The following PIK3R3 variants were observed in gnomAD, a reference collection of about 807,000 sequenced individuals.
PIK3R3 encodes phosphatidylinositol 3-kinase regulatory subunit gamma.
PIK3R3 carries 64 observed loss-of-function variants against 62.9 expected under a neutral mutation model. The ratio of observed to expected loss-of-function variants is 1.02; its 90% CI spans 0.83 to 1.25. PIK3R3 has a LOEUF of 1.25. PIK3R3 is among the 50% of genes most tolerant of loss of function. The pLI is 0.00. For synonymous variants in PIK3R3, 165 were observed against 189.0 expected (o/e 0.87, Z 1.04); for missense variants, 614 against 561.6 (o/e 1.09, Z -0.94).
At chr1:46,108,869 A>C (rs1653452144) in intron 1 of PIK3R3, among the ~76,000 whole-genome samples, 1 of 152,116 alleles carries the variant, frequency 6.6e-6, no homozygotes. Flanking sequence ...CAAAAAAATT[A>C]TGTTTCTCGG....
rs1394465280 is a variant in PIK3R3, at chr1:46,054,617, T to C, written c.941+1178A>G. 8.5e-5 allele frequency among the ~76,000 whole-genome samples: 13 copies of C among 152,228 alleles called. 1 individual carries two copies. In the East Asian group the frequency reaches 2.5e-3, roughly 29 times the overall value. On this transcript the variant is annotated intron_variant, in intron 7 of 9. Transcript: ENST00000262741. ...TACATGCATCAAGGTCACCCATAGA[T>C]GCATTTCAAAACAGTCTATTCGTTA...
At chr1:46,095,269 G>A (rs796161859) in intron 1 of PIK3R3, among the ~76,000 whole-genome samples, 47 of 152,268 alleles carry the variant, frequency 3.1e-4, no homozygotes, top group African/African-American at 1.0e-3. Flanking sequence ...AGAAAATGTG[G>A]TATATATACA....
At chr1:46,075,055 T>C (rs543549879) in intron 3 of PIK3R3, among the ~76,000 whole-genome samples, 36 of 152,270 alleles carry the variant, frequency 2.4e-4, no homozygotes, top group African/African-American at 8.7e-4. Flanking sequence ...CATCACTTCG[T>C]CCAGCAATAT....
At chr1:46,137,932 A>T (rs1309709679), upstream of PIK3R3, among the ~76,000 whole-genome samples, 4 of 152,142 alleles carry the variant, frequency 2.6e-5, no homozygotes, top group Non-Finnish European at 4.4e-5. Context: ...AAAACCAAAA[A>T]CTTGTACAGT....
At chr1:46,138,853 T>C in the PIK3R3 span, 1 of 152,228 alleles carries the variant, frequency 6.6e-6, no homozygotes, top group Non-Finnish European at 1.5e-5. Context: ...ACACTTACAG[T>C]GATTTTCTTC....
At chr1:46,146,710 C>T in the PIK3R3 span, among the ~76,000 whole-genome samples, 1 of 67,008 alleles carries the variant, frequency 1.5e-5, no homozygotes. Flanking sequence ...CACACACACA[C>T]ACACACACAC....
At chr1:46,107,455 T>C (rs1391802890) in intron 1 of PIK3R3, among the ~76,000 whole-genome samples, 7 of 150,070 alleles carry the variant, frequency 4.7e-5, no homozygotes, top group Non-Finnish European at 1.5e-5. Context: ...TTTTTTAATA[T>C]GGAAAGGAAT....
chr1:46,043,780 C>G lies in PIK3R3; in HGVS notation c.1279G>C (p.Glu427Gln). 6.2e-7 allele frequency: 1 copy of G among 1,614,114 alleles called. No homozygotes were observed. ...EPYNLYSSLKELVLHYQQTSL... is the reference protein window; with the variant it reads ...EPYNLYSSLKQLVLHYQQTSL... ...GTCTGCTGGTAATGGAGCACTAGCT[C>G]CTTCAGAGAGCTGTACAGGTTGTAG... Residue 427 changes from glutamate to glutamine, a missense_variant, in exon 10 of 10, where the codon GAG becomes CAG. By Grantham distance (29) the Glu-to-Gln change is conservative. Coordinates refer to ENST00000262741, the MANE Select transcript of PIK3R3 (RefSeq NM_003629.4).
At chr1:46,113,128 A>AT (rs1194775769) in intron 1 of PIK3R3, among the ~76,000 whole-genome samples, 9 of 151,760 alleles carry the variant, frequency 5.9e-5, no homozygotes, top group Admixed American at 2.0e-4. Context: ...CCTCCAATCT[A>AT]TTTTTTACCT....
chr1:46,083,418 C>T (rs1650785729), intron 1 of PIK3R3, among the ~76,000 whole-genome samples: 1 of 152,088 alleles, frequency 6.6e-6, no homozygotes, highest in Non-Finnish European at 1.5e-5. Flanking sequence ...TTAAAAACTT[C>T]TGTACTTCAA....
chr1:46,095,743 G>C (rs927525846), intron 1 of PIK3R3, among the ~76,000 whole-genome samples: 10 of 152,134 alleles, frequency 6.6e-5, no homozygotes, highest in African/African-American at 2.4e-4. Flanking sequence ...ATATTAGATT[G>C]ATACATTAAT....
At chr1:46,131,540 G>A (rs1478166174) in intron 1 of PIK3R3, among the ~76,000 whole-genome samples, 2 of 152,066 alleles carry the variant, frequency 1.3e-5, no homozygotes, top group Non-Finnish European at 2.9e-5. Flanking sequence ...AAAGTGGCGG[G>A]CACAAGAAAA....
At chr1:46,145,694 T>C in the PIK3R3 span, among the ~76,000 whole-genome samples, 1 of 152,094 alleles carries the variant, frequency 6.6e-6, no homozygotes, top group Non-Finnish European at 1.5e-5. Flanking sequence ...CACTGCCACG[T>C]TGGGGATCAA....
At chr1:46,148,450 C>G in the PIK3R3 span, among the ~76,000 whole-genome samples, 7 of 152,170 alleles carry the variant, frequency 4.6e-5, no homozygotes, top group Non-Finnish European at 1.5e-5. Flanking sequence ...GCAACTCTTT[C>G]CAGCAGAGTG....
At chr1:46,105,352 T>C (rs572881166) in intron 1 of PIK3R3, among the ~76,000 whole-genome samples, 2 of 151,696 alleles carry the variant, frequency 1.3e-5, no homozygotes, top group South Asian at 2.1e-4. Flanking sequence ...ATACAAAAAT[T>C]AGCTGACATG....
At chr1:46,088,599 C>A (rs1375173950) in intron 1 of PIK3R3, among the ~76,000 whole-genome samples, 1 of 151,370 alleles carries the variant, frequency 6.6e-6, no homozygotes, top group African/African-American at 2.4e-5. Flanking sequence ...GGAAGTGGAA[C>A]AAAGAGAGAA....
At chr1:46,071,117 C>T (rs1269263860) in intron 3 of PIK3R3, among the ~76,000 whole-genome samples, 1 of 152,074 alleles carries the variant, frequency 6.6e-6, no homozygotes, top group African/African-American at 2.4e-5. Flanking sequence ...CCCTCACTCT[C>T]TCCCTTCTTA....
chr1:46,077,598 G>A lies in PIK3R3; in HGVS notation c.231C>T (p.Asp77=). ...TCCCATCTGGCATATCCCGCAATTT[G>A]TCATTTACCTCCTCCCTGAAGAACA... ...WGDISREEVN[D]KLRDMPDGTF... The change falls in exon 3 of 10, where the codon GAC becomes GAT. Residue 77 remains aspartate, a synonymous_variant. Transcript: ENST00000262741. The A allele has an allele frequency of 6.2e-7, 1 of 1,604,320 alleles. No homozygotes were observed. Among genetic ancestry groups the A allele is most frequent in the Non-Finnish European group, 8.5e-7 (1 of 1,171,276 alleles).
intron 1 of PIK3R3, among the ~76,000 whole-genome samples, chr1:46,116,645 G>A (rs1654212053): frequency 6.7e-6 from 1 of 149,972 alleles, no homozygotes; most frequent in South Asian, 2.1e-4. Context: ...CTGGGTGACA[G>A]AGCGAAACTC....
Sources: gnomAD v4.1 joint callset for allele counts (sites outside exome capture counted in the v4.1 genomes callset) on GRCh38, gnomAD v4.1.1 for gene constraint, MANE v1.5 for transcripts, NCBI Gene and HGNC (gene_info 2026-07-23, HGNC 2026-07-21) for gene names.